Variants in MRC2 observed in about 807,000 individuals in gnomAD.
The protein encoded by MRC2 is mannose receptor C-type 2, also known as C-type mannose receptor 2.
Under a neutral mutation model 206.2 loss-of-function variants are expected in MRC2, and 84 were observed. That is an observed-to-expected ratio of 0.41 (90% CI 0.34 to 0.49). MRC2 has a LOEUF of 0.49. Among genes scored for constraint, MRC2 ranks in the 20% least tolerant of loss-of-function variants. The pLI is 0.31. For missense variants in MRC2, 1,676 were observed against 2,001.5 expected (o/e 0.84, Z 3.10); for synonymous variants, 798 against 800.0 (o/e 1.00, Z 0.04).
At position 62,652,686 on chromosome 17, in the gene MRC2, CAGA is replaced by C. The variant is rs2088569899; in HGVS notation, c.119-11861_119-11859del. On this transcript the variant is annotated intron_variant, in intron 1 of 29. Coordinates refer to ENST00000303375, the MANE Select transcript of MRC2 (RefSeq NM_006039.5). This position sits in a 1 kb window ranked among gnomAD's most constrained non-coding sequence, Gnocchi z 4.6. ...GGAGGCGGCGGAGCGGGAAGTGCCA[CAGA>C]TTGAGGGGCGCACGGCGGTGGAGGG... Among the ~76,000 whole-genome samples, 2 of 151,146 alleles carry C rather than the reference CAGA, an allele frequency of 1.3e-5. No individual in the cohort carries two copies. The highest frequency in any genetic ancestry group is 4.9e-5 in the African/African-American group (2 of 40,976).
chr17:62,644,803 GAGGGTC>G (rs1405551400), intron 1 of MRC2, among the ~76,000 whole-genome samples: 1 of 152,104 alleles, frequency 6.6e-6, no homozygotes, highest in African/African-American at 2.4e-5. Flanking sequence ...GCTGGTGGTC[GAGGGTC>G]AGCCTCCGAG....
intron 1 of MRC2, among the ~76,000 whole-genome samples, chr17:62,639,258 C>A (rs1284574730): frequency 6.6e-6 from 1 of 151,896 alleles, no homozygotes; most frequent in Non-Finnish European, 1.5e-5. Flanking sequence ...GCAGGAGAAT[C>A]ACTTGAACCC....
intron 20 of MRC2, among the ~76,000 whole-genome samples, chr17:62,686,843 C>A (rs1441841507): frequency 6.6e-6 from 1 of 152,186 alleles, no homozygotes; most frequent in Middle Eastern, 3.2e-3. Flanking sequence ...GAAACCAAAT[C>A]CTTGAACTTT....
At chr17:62,650,416 G>A (rs1028170721) in intron 1 of MRC2, among the ~76,000 whole-genome samples, 1 of 152,194 alleles carries the variant, frequency 6.6e-6, no homozygotes, top group African/African-American at 2.4e-5. Flanking sequence ...CAGGCATGCT[G>A]CCTCGACTGG....
At chr17:62,635,191 CTTTTTT>C (rs35446845) in intron 1 of MRC2, among the ~76,000 whole-genome samples, 72 of 101,738 alleles carry the variant, frequency 7.1e-4, no homozygotes, top group Admixed American at 4.1e-3. Context: ...CTATTTTTCT[CTTTTTT>C]TTTTTTTTTT....
chr17:62,656,912 A>G (rs1032236458), intron 1 of MRC2, among the ~76,000 whole-genome samples: 2 of 152,084 alleles, frequency 1.3e-5, no homozygotes, highest in Admixed American at 6.6e-5. Context: ...GCTTCTCTTT[A>G]TATATTATCC....
At chr17:62,690,898 C>T (rs1278200892) in intron 27 of MRC2, 51 bp from the exon 28 acceptor site, 1 of 1,516,770 alleles carries the variant, frequency 6.6e-7, no homozygotes. Flanking sequence ...TCTCCTCCAC[C>T]TACTCCTGCC....
At chr17:62,634,469 G>A (rs1395171284) in intron 1 of MRC2, among the ~76,000 whole-genome samples, 1 of 152,080 alleles carries the variant, frequency 6.6e-6, no homozygotes, top group Non-Finnish European at 1.5e-5. Context: ...CGTGGCTAAT[G>A]TTTGTACTTT....
Position 62,682,286 on chromosome 17 carries a change from G to A in MRC2, c.2855G>A (p.Arg952His), listed in dbSNP as rs1262577512. The change falls in exon 20 of 30, where the codon CGC becomes CAC. Residue 952 changes from arginine to histidine, a missense_variant. Arg to His is a conservative substitution (Grantham distance 29). Around this residue, in one of 3 missense-constraint regions of MRC2, gnomAD observed 1,354 missense variants for 1,636.6 expected, o/e 0.83. Coordinates refer to ENST00000303375, the MANE Select transcript of MRC2 (RefSeq NM_006039.5). ...ACAGCCTTGCCCTACATCTGCAAGC[G>A]CAGCAACGTCACCAAAGAAACGCAG... ...CLTALPYICK[R>H]SNVTKETQPP... The A allele has an allele frequency of 1.9e-6, 3 of 1,604,430 alleles. No homozygotes were observed. The highest frequency in any genetic ancestry group is 2.2e-5 in the East Asian group (1 of 44,526).
rs2089080581 is a variant in MRC2 at position 62,689,767 on chromosome 17, T to TCCCGACACTTTTGCCCTGGGCC, written c.3573+10_3573+31dup. The TCCCGACACTTTTGCCCTGGGCC allele has an allele frequency of 6.5e-7, 1 of 1,537,328 alleles. No homozygotes were observed. The highest frequency in any genetic ancestry group is 1.4e-5 in the African/African-American group (1 of 73,604). Reference sequence around the variant, plus strand: ...TGGGCTGGCTGGCGAGGAGGTGGGCTCCCGACACTTTTGCCCTGGGCCCCA... The same window carrying TCCCGACACTTTTGCCCTGGGCC: ...TGGGCTGGCTGGCGAGGAGGTGGGCTCCCGACACTTTTGCCCTGGGCCCCCGACACTTTTGCCCTGGGCCCCA... On this transcript the variant is annotated splice_region_variant and intron_variant, in intron 24 of 29. Transcript: ENST00000303375.
chr17:62,676,446 C>G lies in MRC2; in HGVS notation c.1749C>G (p.Ala583=). The G allele has an allele frequency of 6.2e-7, 1 of 1,613,948 alleles. No individual in the cohort carries two copies. ...GGGAGGGCGAGTACTTCTGGACGGC[C>G]CTGCAGGACCTCAACAGCACCGGCT... The part of the protein sequence containing the change: ...YNWEGEYFWT[A]LQDLNSTGSF... Residue 583 remains alanine, a synonymous_variant, in exon 11 of 30, where the codon GCC becomes GCG. Transcript: ENST00000303375.
At chr17:62,683,999 T>A (rs1030488607) in intron 20 of MRC2, 1 of 152,146 alleles carries the variant, frequency 6.6e-6, no homozygotes, top group African/African-American at 2.4e-5. Context: ...TCCTGAAGGG[T>A]CCATATTTTG....
chr17:62,669,655 C>T (rs1025727935), intron 6 of MRC2, among the ~76,000 whole-genome samples: 1 of 151,854 alleles, frequency 6.6e-6, no homozygotes, highest in Non-Finnish European at 1.5e-5. Flanking sequence ...CAGGTTCAAG[C>T]GATTCTCATG....
intron 1 of MRC2, among the ~76,000 whole-genome samples, chr17:62,638,360 G>C (rs576207998): frequency 6.6e-6 from 1 of 152,202 alleles, no homozygotes; most frequent in African/African-American, 2.4e-5. Context: ...AAAAATTCCA[G>C]AAGTGGATTT....
At chr17:62,631,609 C>G (rs373498792) in intron 1 of MRC2, among the ~76,000 whole-genome samples, 9 of 152,190 alleles carry the variant, frequency 5.9e-5, no homozygotes, top group African/African-American at 1.9e-4. Context: ...TGTGTCCCAC[C>G]GGGAGGACTC....
intron 1 of MRC2, among the ~76,000 whole-genome samples, chr17:62,641,895 C>CTGTGTGTG (rs4058579): frequency 0.018 from 2,644 of 150,052 alleles, 39 homozygotes; most frequent in Non-Finnish European, 0.026. Flanking sequence ...ATCTCACTCT[C>CTGTGTGTG]TGTGTGTGTG....
intron 1 of MRC2, among the ~76,000 whole-genome samples, chr17:62,659,983 G>A (rs1417287974): frequency 6.6e-6 from 1 of 152,230 alleles, no homozygotes; most frequent in Non-Finnish European, 1.5e-5. Flanking sequence ...TGGGGTTACA[G>A]TGGTGGAGAA....
At chr17:62,683,020 C>T (rs2088988585) in intron 20 of MRC2, among the ~76,000 whole-genome samples, 1 of 152,044 alleles carries the variant, frequency 6.6e-6, no homozygotes, top group Admixed American at 6.6e-5. Flanking sequence ...CATGACCAAA[C>T]TATGTGTGTG....
intron 1 of MRC2, among the ~76,000 whole-genome samples, chr17:62,636,559 C>T (rs1362798489): frequency 6.6e-6 from 1 of 151,090 alleles, no homozygotes. Flanking sequence ...AGCTCCACCT[C>T]CCAGGTTCAC....
Sources: gnomAD v4.1 joint callset for allele counts (sites outside exome capture counted in the v4.1 genomes callset) on GRCh38, gnomAD v4.1.1 for gene constraint, gnomAD v4.1.1 regional missense constraint, Gnocchi (gnomAD v3.1) non-coding constraint, MANE v1.5 for transcripts, NCBI Gene and HGNC (gene_info 2026-07-23, HGNC 2026-07-21) for gene names.